Variants in C10orf67 observed in about 807,000 individuals in gnomAD.
The protein encoded by C10orf67 is uncharacterized protein C10orf67, mitochondrial.
A neutral mutation model predicts 35.6 loss-of-function variants in C10orf67; 60 were observed. That is an observed-to-expected ratio of 1.68 (90% CI 1.37 to 2.09). The LOEUF (loss-of-function observed/expected upper bound fraction) is 2.09. Ranked by LOEUF, C10orf67 falls within the 30% of genes most tolerant of loss-of-function variation. The probability of loss-of-function intolerance (pLI) is 0.00; values close to 1 mark genes in which losing one functional copy is unlikely to be tolerated. For synonymous variants in C10orf67, 167 were observed against 115.8 expected, an observed-to-expected ratio of 1.44 and a Z score of -2.84; for missense variants, 474 against 330.2, an observed-to-expected ratio of 1.44 and a Z score of -3.38.
At chr10:23,242,473 A>G (rs939022976) in intron 12 of C10orf67, among the ~76,000 whole-genome samples, 4 of 152,242 alleles carry the variant, frequency 2.6e-5, no homozygotes, top group African/African-American at 9.6e-5. Flanking sequence ...ATGATTTCAG[A>G]TGAAAACACA....
rs373096993 is a variant in C10orf67 at position 23,253,731 on chromosome 10, C to T, written c.1201-3040G>A. Among the ~76,000 whole-genome samples, 30 of 151,854 alleles carry T rather than the reference C, an allele frequency of 2.0e-4. No homozygotes were observed. In the South Asian group the frequency reaches 4.8e-3, roughly 24 times the overall value. On this transcript the variant is annotated intron_variant, in intron 10 of 15. Transcript: ENST00000636213. ...TTCAATTTTTAAGGCTCCCTTTTTC[C>T]AGCTTTCATATAATGATCAACTATG...
chr10:23,271,585 A>G (rs982911451), intron 8 of C10orf67, among the ~76,000 whole-genome samples: 2 of 152,230 alleles, frequency 1.3e-5, no homozygotes, highest in Non-Finnish European at 2.9e-5. Flanking sequence ...ACAACACTTT[A>G]TATGGTCGAC....
chr10:23,283,944 G>T (rs1843448426), intron 7 of C10orf67, among the ~76,000 whole-genome samples: 1 of 152,014 alleles, frequency 6.6e-6, no homozygotes, highest in African/African-American at 2.4e-5. Context: ...AGTCTACTGT[G>T]GCAGCAGCTG....
intron 1 of C10orf67, among the ~76,000 whole-genome samples, chr10:23,340,349 CAAAA>C (rs34098221): frequency 1.6e-4 from 19 of 118,586 alleles, no homozygotes; most frequent in South Asian, 2.8e-4. Context: ...TACAAAAATA[CAAAA>C]AAAAAAAAAA....
chr10:23,226,120 A>C (rs1224148900), intron 13 of C10orf67, among the ~76,000 whole-genome samples: 2 of 152,206 alleles, frequency 1.3e-5, no homozygotes, highest in African/African-American at 4.8e-5. Flanking sequence ...CTCCACCCCA[A>C]ATCAACAGAA....
intron 2 of C10orf67, among the ~76,000 whole-genome samples, chr10:23,324,711 T>C (rs1845113418): frequency 6.6e-6 from 1 of 152,194 alleles, no homozygotes; most frequent in Non-Finnish European, 1.5e-5. Context: ...TGGCAATAGT[T>C]CTTTCTAGAG....
chr10:23,253,891 T>A (rs1842532737), intron 10 of C10orf67, among the ~76,000 whole-genome samples: 1 of 152,154 alleles, frequency 6.6e-6, no homozygotes, highest in Non-Finnish European at 1.5e-5. Context: ...AAAAAAAGCA[T>A]CACATGTAGA....
intron 15 of C10orf67, among the ~76,000 whole-genome samples, chr10:23,213,734 A>G (rs1841367577): frequency 1.3e-5 from 2 of 152,342 alleles, no homozygotes; most frequent in South Asian, 2.1e-4. Flanking sequence ...TCAAATCAGC[A>G]TGGGGGAAAC....
intron 15 of C10orf67, among the ~76,000 whole-genome samples, chr10:23,213,103 A>G (rs1359942500): frequency 6.6e-6 from 1 of 152,242 alleles, no homozygotes; most frequent in Non-Finnish European, 1.5e-5. Context: ...TTGGAAATAG[A>G]AGAGTCACTA....
intron 8 of C10orf67, among the ~76,000 whole-genome samples, chr10:23,274,877 C>A (rs1843139731): frequency 6.6e-6 from 1 of 152,002 alleles, no homozygotes. Context: ...TCAGAGACTG[C>A]AGTAAAGACA....
At position 23,208,815 on chromosome 10, in the gene C10orf67, G is replaced by A. The variant is rs147578218; in HGVS notation, c.1571-4560C>T. Reference sequence around the variant, plus strand: ...GGATAAGAGCAAATGTGACCCCAGCGGAGACTTGAACAATCCTTGTGCATT... The same window carrying A: ...GGATAAGAGCAAATGTGACCCCAGCAGAGACTTGAACAATCCTTGTGCATT... On this transcript the variant is annotated intron_variant, in intron 15 of 15. Coordinates refer to ENST00000636213, the MANE Select transcript of C10orf67 (RefSeq NM_001371909.1). Among the ~76,000 whole-genome samples, 7 of 152,208 alleles carry A rather than the reference G, an allele frequency of 4.6e-5. No homozygotes were observed. In the South Asian group the frequency reaches 8.3e-4, roughly 18 times the overall value.
At chr10:23,335,466 T>C (rs1471992588) in intron 1 of C10orf67, among the ~76,000 whole-genome samples, 1 of 152,232 alleles carries the variant, frequency 6.6e-6, no homozygotes, top group African/African-American at 2.4e-5. Flanking sequence ...TTTAGTGTGT[T>C]AATACTTAGA....
intron 15 of C10orf67, among the ~76,000 whole-genome samples, chr10:23,211,880 A>G (rs372715708): frequency 3.9e-5 from 6 of 152,172 alleles, no homozygotes; most frequent in East Asian, 3.8e-4. Context: ...AAGCAAAAAG[A>G]CATACTGGGA....
At chr10:23,225,115 G>C (rs1478909681) in intron 13 of C10orf67, among the ~76,000 whole-genome samples, 1 of 152,224 alleles carries the variant, frequency 6.6e-6, no homozygotes, top group Non-Finnish European at 1.5e-5. Flanking sequence ...AGGGCAGTCA[G>C]AGAGAAAGGT....
chr10:23,268,287 C>A (rs971134646), intron 8 of C10orf67, among the ~76,000 whole-genome samples: 1 of 151,918 alleles, frequency 6.6e-6, no homozygotes, highest in East Asian at 1.9e-4. Flanking sequence ...AGAGTGAGAC[C>A]CTGACTTCAG....
intron 4 of C10orf67, among the ~76,000 whole-genome samples, chr10:23,316,520 C>T (rs1237969783): frequency 6.6e-6 from 1 of 152,188 alleles, no homozygotes; most frequent in African/African-American, 2.4e-5. Context: ...TTTAGTCCCA[C>T]CATTTGGTGG....
intron 13 of C10orf67, among the ~76,000 whole-genome samples, chr10:23,227,615 T>A (rs1841776110): frequency 6.6e-6 from 1 of 151,942 alleles, no homozygotes; most frequent in African/African-American, 2.4e-5. Context: ...AAGAAATAAA[T>A]GATACTTAAT....
At chr10:23,208,065 G>A (rs1303236534) in intron 15 of C10orf67, among the ~76,000 whole-genome samples, 2 of 152,180 alleles carry the variant, frequency 1.3e-5, no homozygotes, top group South Asian at 2.1e-4. Context: ...ATATGGAAGC[G>A]TTAGGTAGTT....
intron 13 of C10orf67, among the ~76,000 whole-genome samples, chr10:23,226,106 A>G (rs1471311235): frequency 3.9e-5 from 6 of 152,190 alleles, no homozygotes; most frequent in African/African-American, 1.2e-4. Flanking sequence ...ACATCTACAG[A>G]ACTCTCCACC....
Sources: gnomAD v4.1 joint callset for allele counts (sites outside exome capture counted in the v4.1 genomes callset) on GRCh38, gnomAD v4.1.1 for gene constraint, MANE v1.5 for transcripts, NCBI Gene and HGNC (gene_info 2026-07-23, HGNC 2026-07-21) for gene names.